Variants in GPC5 observed in about 807,000 individuals in gnomAD.
The protein encoded by GPC5 is glypican 5.
A neutral mutation model predicts 53.9 loss-of-function variants in GPC5; 47 were observed. That is an observed-to-expected ratio of 0.87 (90% CI 0.69 to 1.11). The LOEUF (loss-of-function observed/expected upper bound fraction) is 1.11, where lower values mean the gene tolerates loss of function less well. Ranked by LOEUF, GPC5 falls within the 50% of genes most tolerant of loss-of-function variation. The probability of loss-of-function intolerance (pLI) is 0.00; values close to 1 mark genes in which losing one functional copy is unlikely to be tolerated. For missense variants in GPC5, 748 were observed against 713.1 expected (o/e 1.05, Z -0.56); for synonymous variants, 286 against 263.3 (o/e 1.09, Z -0.84).
intron 6 of GPC5, among the ~76,000 whole-genome samples, chr13:92,105,710 A>G (rs2041504325): frequency 6.6e-6 from 1 of 152,052 alleles, no homozygotes; most frequent in Non-Finnish European, 1.5e-5. Context: ...ATTATATTGA[A>G]GTATAAATTA....
intron 7 of GPC5, among the ~76,000 whole-genome samples, chr13:92,595,186 A>C (rs567176741): frequency 6.6e-6 from 1 of 152,328 alleles, no homozygotes; most frequent in South Asian, 2.1e-4. Flanking sequence ...GAAGACCTTC[A>C]GAATTAACCA....
At chr13:92,279,992 C>T (rs1041402721) in intron 7 of GPC5, among the ~76,000 whole-genome samples, 1 of 151,848 alleles carries the variant, frequency 6.6e-6, no homozygotes, top group African/African-American at 2.4e-5. Context: ...TGTGTTAATT[C>T]TTTAAATATT....
At chr13:92,421,698 C>CAAAAGAA (rs1876573866) in intron 7 of GPC5, among the ~76,000 whole-genome samples, 1 of 69,508 alleles carries the variant, frequency 1.4e-5, no homozygotes, top group Non-Finnish European at 2.6e-5. Flanking sequence ...GACTCCGTCT[C>CAAAAGAA]AAAAAAAAAA....
At chr13:91,759,615 G>C (rs1285637880) in intron 5 of GPC5, among the ~76,000 whole-genome samples, 2 of 152,018 alleles carry the variant, frequency 1.3e-5, no homozygotes, top group African/African-American at 4.8e-5. Context: ...AAATGATTGA[G>C]AATATGTGAA....
intron 6 of GPC5, among the ~76,000 whole-genome samples, chr13:91,992,230 G>A (rs928495278): frequency 2.0e-5 from 3 of 151,828 alleles, no homozygotes; most frequent in Non-Finnish European, 4.4e-5. Context: ...AGAGGATCTC[G>A]CTCTATTGCT....
intron 7 of GPC5, among the ~76,000 whole-genome samples, chr13:92,382,347 C>T (rs1358826414): frequency 6.6e-6 from 1 of 151,914 alleles, no homozygotes; most frequent in Non-Finnish European, 1.5e-5. Flanking sequence ...ACCACCTGTA[C>T]CCCCAATAAC....
chr13:92,238,705 G>T (rs1051664599), intron 7 of GPC5, among the ~76,000 whole-genome samples: 1 of 150,874 alleles, frequency 6.6e-6, no homozygotes, highest in Non-Finnish European at 1.5e-5. Context: ...TTCTCCCTTT[G>T]TCTGGGTTAA....
At chr13:92,321,295 G>A (rs566966873) in intron 7 of GPC5, among the ~76,000 whole-genome samples, 1 of 152,178 alleles carries the variant, frequency 6.6e-6, no homozygotes. Context: ...TTAAAGATGA[G>A]TCTAAAATAG....
chr13:92,715,161 A>G (rs770341854), intron 7 of GPC5, among the ~76,000 whole-genome samples: 5 of 152,226 alleles, frequency 3.3e-5, no homozygotes, highest in Non-Finnish European at 7.3e-5. Context: ...AACGAAAAAT[A>G]TAATTAAACA....
intron 2 of GPC5, among the ~76,000 whole-genome samples, chr13:91,689,335 C>T (rs2035704722): frequency 6.8e-6 from 1 of 147,934 alleles, no homozygotes; most frequent in Non-Finnish European, 1.5e-5. Context: ...CTAGGTAAGT[C>T]AGTAAGTGAG....
intron 2 of GPC5, among the ~76,000 whole-genome samples, chr13:91,514,204 G>C (rs1228044445): frequency 6.6e-6 from 1 of 152,102 alleles, no homozygotes; most frequent in African/African-American, 2.4e-5. Flanking sequence ...AGCATGTTTA[G>C]TTTTATAAGA....
intron 7 of GPC5, among the ~76,000 whole-genome samples, chr13:92,578,347 T>C (rs1883253197): frequency 6.6e-6 from 1 of 152,158 alleles, no homozygotes; most frequent in Non-Finnish European, 1.5e-5. Flanking sequence ...GATGGTGTAT[T>C]AATCAGGCTT....
chr13:92,228,741 T>C (rs982640899), intron 7 of GPC5, among the ~76,000 whole-genome samples: 1 of 152,018 alleles, frequency 6.6e-6, no homozygotes, highest in Non-Finnish European at 1.5e-5. Context: ...CTAGAGACTA[T>C]GCATACATAC....
chr13:91,977,898 G>C (rs1228918109), intron 6 of GPC5, among the ~76,000 whole-genome samples: 1 of 150,078 alleles, frequency 6.7e-6, no homozygotes, highest in Non-Finnish European at 1.5e-5. Flanking sequence ...AATCCCTTGT[G>C]CCCAGGAGTT....
intron 1 of GPC5, among the ~76,000 whole-genome samples, chr13:91,435,797 G>T (rs965090497): frequency 6.6e-6 from 1 of 152,124 alleles, no homozygotes; most frequent in African/African-American, 2.4e-5. Context: ...ATAGAATTTG[G>T]CTGTGAATCC....
chr13:92,312,335 G>GA (rs919430034), intron 7 of GPC5, among the ~76,000 whole-genome samples: 6 of 151,306 alleles, frequency 4.0e-5, no homozygotes, highest in South Asian at 4.2e-4. Context: ...TGAGTGGGGG[G>GA]AAAAAAAACA....
At chr13:92,376,820 G>A (rs1371761987) in intron 7 of GPC5, among the ~76,000 whole-genome samples, 1 of 151,898 alleles carries the variant, frequency 6.6e-6, no homozygotes, top group African/African-American at 2.4e-5. Flanking sequence ...TTTGAGACAA[G>A]CCTGGCCAGC....
chr13:91,451,528 A>G (rs1201405592), intron 2 of GPC5, among the ~76,000 whole-genome samples: 2 of 152,014 alleles, frequency 1.3e-5, no homozygotes, highest in Non-Finnish European at 2.9e-5. Context: ...AGATTATCCT[A>G]TGTGAAACTC....
chr13:91,830,538 G>A (rs1405603193), intron 5 of GPC5, among the ~76,000 whole-genome samples: 1 of 151,676 alleles, frequency 6.6e-6, no homozygotes, highest in African/African-American at 2.4e-5. Flanking sequence ...AATCTTTACA[G>A]TTTTATGTTC....
Sources: allele counts gnomAD v4.1 joint callset (sites outside exome capture counted in the v4.1 genomes callset), GRCh38; gene constraint gnomAD v4.1.1; transcripts MANE v1.5; gene names NCBI Gene and HGNC (gene_info 2026-07-23, HGNC 2026-07-21).